COG5: variants seen among roughly 807,000 people sequenced by gnomAD.
COG5 encodes component of oligomeric golgi complex 5, also known as conserved oligomeric Golgi complex subunit 5.
Under a neutral mutation model 110.4 loss-of-function variants are expected in COG5, and 86 were observed. The observed-to-expected ratio is 0.78, with a 90% CI of 0.65 to 0.93. The LOEUF is 0.93. Ranked by LOEUF, COG5 falls within the 40% of genes least tolerant of loss-of-function variation. The pLI is 0.00. For missense variants in COG5, 1,077 were observed against 987.0 expected, an observed-to-expected ratio of 1.09 and a Z score of -1.22; for synonymous variants, 360 against 334.6, an observed-to-expected ratio of 1.08 and a Z score of -0.83.
chr7:107,299,084 A>C (rs1479306848), intron 11 of COG5, among the ~76,000 whole-genome samples: 1 of 152,148 alleles, frequency 6.6e-6, no homozygotes, highest in Non-Finnish European at 1.5e-5. Flanking sequence ...AAAGAAGAAA[A>C]GTTTCAAATC....
At chr7:107,381,900 C>A (rs952544237) in intron 7 of COG5, among the ~76,000 whole-genome samples, 2 of 152,178 alleles carry the variant, frequency 1.3e-5, no homozygotes, top group African/African-American at 4.8e-5. Flanking sequence ...AAGACTGGAG[C>A]ATGTTTGTTT....
rs2712197 is a variant in COG5, at chr7:107,491,796, G to C, written c.538+35441C>G. ...TAGAAAATTCCATGAGAAATTTCCT[G>C]CTCACTGTACTAAAATCTTGAATAA... On this transcript the variant is annotated intron_variant, in intron 6 of 21. Coordinates refer to ENST00000297135, the MANE Select transcript of COG5 (RefSeq NM_006348.5). Among the ~76,000 whole-genome samples, 7 of 152,088 alleles carry C rather than the reference G, an allele frequency of 4.6e-5. No individual in the cohort carries two copies. The East Asian group carries it at 1.4e-3, about 29-fold the overall frequency.
At position 107,415,842 on chromosome 7, in the gene COG5, G is replaced by GTATGTATGTATGTGTGTA. The variant is rs1792733352; in HGVS notation, c.539-3211_539-3210insTACACACATACATACATA. Reference sequence around the variant, plus strand: ...CATACACGTATGTATGTATGTGTGTGTATATATACACACACATACACGTAT... The same window carrying GTATGTATGTATGTGTGTA: ...CATACACGTATGTATGTATGTGTGTGTATGTATGTATGTGTGTATATATATACACACACATACACGTAT... On this transcript the variant is annotated intron_variant, in intron 6 of 21. Coordinates refer to ENST00000297135, the MANE Select transcript of COG5 (RefSeq NM_006348.5). Among the ~76,000 whole-genome samples the GTATGTATGTATGTGTGTA allele has an allele frequency of 9.5e-4, 50 of 52,482 alleles. 6 individuals are homozygous for GTATGTATGTATGTGTGTA. In the African/African-American group the frequency reaches 0.01, roughly 11 times the overall value. The allele number at this position is 52,482 out of a possible 152,430, so 34.4% of individuals were successfully genotyped here.
At chr7:107,387,214 A>G (rs565377952) in intron 7 of COG5, among the ~76,000 whole-genome samples, 1 of 152,338 alleles carries the variant, frequency 6.6e-6, no homozygotes, top group African/African-American at 2.4e-5. Context: ...TGCAGCGGGT[A>G]AGCTCACAAA....
chr7:107,356,325 T>C (rs1397952231), intron 10 of COG5, among the ~76,000 whole-genome samples: 1 of 152,246 alleles, frequency 6.6e-6, no homozygotes, highest in Non-Finnish European at 1.5e-5. Context: ...ATAATGTAAC[T>C]GTTTATAATC....
intron 4 of COG5, 41 bp downstream of exon 4, chr7:107,548,237 A>T: frequency 6.2e-7 from 1 of 1,603,124 alleles, no homozygotes; most frequent in Non-Finnish European, 8.5e-7. Flanking sequence ...AATGGATAAA[A>T]ACATTCCCAT....
At position 107,426,565 on chromosome 7, in the gene COG5, G is replaced by C. The variant is rs183819039; in HGVS notation, c.539-13933C>G. On this transcript the variant is annotated intron_variant, in intron 6 of 21. Coordinates refer to ENST00000297135, the MANE Select transcript of COG5 (RefSeq NM_006348.5). Reference sequence around the variant, plus strand: ...GCTTGTATCCTCATATGGCAGAAGAGGGCAAGAGGGCTCTCTGGGATCCCT... The same window carrying C: ...GCTTGTATCCTCATATGGCAGAAGACGGCAAGAGGGCTCTCTGGGATCCCT... Among the ~76,000 whole-genome samples the C allele has an allele frequency of 3.4e-3, 521 of 152,242 alleles. 7 individuals carry two copies. The highest frequency in any genetic ancestry group is 1.6e-3 in the Non-Finnish European group (107 of 68,024).
At chr7:107,247,540 AAAT>A (rs1365588877) in intron 17 of COG5, among the ~76,000 whole-genome samples, 1 of 152,214 alleles carries the variant, frequency 6.6e-6, no homozygotes. Context: ...GACTGCTCAA[AAAT>A]AATAACTATG....
At chr7:107,327,619 TA>T (rs1156953011) in intron 10 of COG5, among the ~76,000 whole-genome samples, 2 of 152,142 alleles carry the variant, frequency 1.3e-5, no homozygotes, top group Admixed American at 6.5e-5. Flanking sequence ...ATACCATGAT[TA>T]AAAAACAGGC....
intron 14 of COG5, among the ~76,000 whole-genome samples, chr7:107,278,201 C>A (rs1019929152): frequency 6.6e-6 from 1 of 152,142 alleles, no homozygotes; most frequent in Non-Finnish European, 1.5e-5. Context: ...TATCTCACTG[C>A]TTGAGCATTC....
chr7:107,505,636 C>CT (rs1563071475), intron 6 of COG5, among the ~76,000 whole-genome samples: 1 of 152,214 alleles, frequency 6.6e-6, no homozygotes, highest in Admixed American at 6.5e-5. Context: ...GACTGCCTGA[C>CT]TGTTGGGGCA....
At chr7:107,483,260 A>G (rs1797453791) in intron 6 of COG5, among the ~76,000 whole-genome samples, 1 of 152,176 alleles carries the variant, frequency 6.6e-6, no homozygotes, top group Non-Finnish European at 1.5e-5. Flanking sequence ...TAACCCTTTC[A>G]CTAAGAACTT....
At chr7:107,223,686 C>T (rs116684337) in intron 19 of COG5, among the ~76,000 whole-genome samples, 52 of 152,174 alleles carry the variant, frequency 3.4e-4, no homozygotes, top group African/African-American at 1.1e-3. Context: ...AATCCTGTTC[C>T]GGGACCATTC....
intron 6 of COG5, among the ~76,000 whole-genome samples, chr7:107,468,041 T>C (rs1244678382): frequency 6.6e-6 from 1 of 152,198 alleles, no homozygotes; most frequent in Non-Finnish European, 1.5e-5. Context: ...GAATCAAAGT[T>C]GACCCAAAGG....
chr7:107,279,807 C>T (rs1805021375), intron 14 of COG5, among the ~76,000 whole-genome samples: 1 of 152,046 alleles, frequency 6.6e-6, no homozygotes. Context: ...TTTCTGTTAG[C>T]CTTCAACACT....
chr7:107,226,788 T>C (rs1800370773), intron 19 of COG5, among the ~76,000 whole-genome samples: 1 of 152,194 alleles, frequency 6.6e-6, no homozygotes, highest in Admixed American at 6.5e-5. Context: ...TTTTATAAAA[T>C]AGTTGTATCA....
At chr7:107,236,736 C>G in intron 17 of COG5, 49 bp from the exon 18 acceptor site, 1 of 1,222,874 alleles carries the variant, frequency 8.2e-7, no homozygotes, top group Non-Finnish European at 1.2e-6. Context: ...CTAAATCACA[C>G]TCTTTGATTT....
intron 6 of COG5, among the ~76,000 whole-genome samples, chr7:107,517,759 G>C (rs770528309): frequency 2.0e-5 from 3 of 151,282 alleles, no homozygotes; most frequent in Non-Finnish European, 2.9e-5. Context: ...GTGCAGTGGC[G>C]CAATCTCGGC....
intron 17 of COG5, among the ~76,000 whole-genome samples, chr7:107,245,853 A>G (rs901593537): frequency 5.3e-5 from 8 of 152,172 alleles, no homozygotes; most frequent in Non-Finnish European, 1.0e-4. Context: ...CACAGAACGA[A>G]AAACAAACTA....
Sources: allele counts gnomAD v4.1 joint callset (sites outside exome capture counted in the v4.1 genomes callset), GRCh38; gene constraint gnomAD v4.1.1; transcripts MANE v1.5; gene names NCBI Gene and HGNC (gene_info 2026-07-23, HGNC 2026-07-21).